Variants in NDUFAB1 observed in about 807,000 individuals in gnomAD.
The protein encoded by NDUFAB1 is acyl carrier protein, mitochondrial.
A neutral mutation model predicts 16.1 loss-of-function variants in NDUFAB1; 5 were observed. The observed-to-expected ratio is 0.31, with a 90% CI of 0.16 to 0.65. NDUFAB1 has a LOEUF of 0.65. NDUFAB1 is among the 30% of genes least tolerant of loss of function. The pLI, the probability that NDUFAB1 is intolerant of heterozygous loss-of-function variation, is 0.77. For synonymous variants in NDUFAB1, 85 were observed against 78.4 expected, an observed-to-expected ratio of 1.08 and a Z score of -0.44; for missense variants, 187 against 205.3, an observed-to-expected ratio of 0.91 and a Z score of 0.54.
chr16:23,582,277 T>G lies in NDUFAB1; in HGVS notation c.*7A>C. The G allele has an allele frequency of 1.3e-6, 2 of 1,512,856 alleles. No individual in the cohort carries two copies. The highest frequency in any genetic ancestry group is 1.8e-6 in the Non-Finnish European group (2 of 1,132,628). 93.7% of individuals were successfully genotyped at this position (1,512,856 alleles called of 1,614,324 possible). On this transcript the variant is annotated splice_region_variant and 3_prime_UTR_variant, in exon 4 of 5. Coordinates refer to ENST00000007516, the MANE Select transcript of NDUFAB1 (RefSeq NM_005003.3). ...ACATCATTTTTTAAGTCTATTTACCTGATACTTTATTCATATACATCCTTC... is the reference window on the plus strand; with the variant it reads ...ACATCATTTTTTAAGTCTATTTACCGGATACTTTATTCATATACATCCTTC...
intron 1 of NDUFAB1, 30 bp from the exon 2 acceptor site, chr16:23,587,349 C>T (rs767204570): frequency 6.2e-7 from 1 of 1,610,056 alleles, no homozygotes; most frequent in African/African-American, 1.3e-5. Flanking sequence ...GAAACACTGT[C>T]ATTGAATGGA....
At position 23,596,107 on chromosome 16, in the gene NDUFAB1, A is replaced by T. The variant is rs1332945026; in HGVS notation, c.168+16T>A. The T allele has an allele frequency of 1.2e-6, 2 of 1,601,048 alleles. No homozygotes were observed. The highest frequency in any genetic ancestry group is 1.7e-6 in the Non-Finnish European group (2 of 1,174,542). On this transcript the variant is annotated intron_variant, in intron 1 of 4. Transcript: ENST00000007516. The stretch of plus-strand genomic sequence containing the variant: ...CCTGACCCTTGCCAAGCGGCAGCAA[A>T]GTCACCACGAGTCACCTGCGCGAGC...
intron 3 of NDUFAB1, among the ~76,000 whole-genome samples, chr16:23,582,717 T>C (rs1966191199): frequency 6.6e-6 from 1 of 150,992 alleles, no homozygotes; most frequent in African/African-American, 2.4e-5. Context: ...CCTCTCCCTC[T>C]CCCCACGGTC....
intron 1 of NDUFAB1, chr16:23,595,290 G>T: frequency 3.4e-6 from 1 of 290,850 alleles, no homozygotes; most frequent in Non-Finnish European, 6.8e-6. Context: ...CAACAACACC[G>T]AAATCACTGC....
At chr16:23,587,378 G>A in intron 1 of NDUFAB1, 59 bp from the exon 2 acceptor site, 1 of 1,590,724 alleles carries the variant, frequency 6.3e-7, no homozygotes, top group Non-Finnish European at 8.5e-7. Context: ...CTAAATCAAT[G>A]CACAAGCCTA....
intron 2 of NDUFAB1, 91 bp downstream of exon 2, chr16:23,587,106 A>T: frequency 7.5e-7 from 1 of 1,341,844 alleles, no homozygotes; most frequent in South Asian, 1.4e-5. Flanking sequence ...AGCCAGGGAG[A>T]TTTTTACTGA....
At chr16:23,595,177 G>A (rs776246335) in intron 1 of NDUFAB1, among the ~76,000 whole-genome samples, 7 of 152,128 alleles carry the variant, frequency 4.6e-5, no homozygotes, top group Non-Finnish European at 1.0e-4. Context: ...GCTTGAACCT[G>A]AGAGGCGGAG....
chr16:23,592,963 G>A (rs148237839), intron 1 of NDUFAB1, among the ~76,000 whole-genome samples: 1 of 152,282 alleles, frequency 6.6e-6, no homozygotes, highest in East Asian at 1.9e-4. Flanking sequence ...AGTCCAGGGA[G>A]CATGTGTGGT....
rs1567407379 is a variant in NDUFAB1, at chr16:23,584,250, TCAATTAAAA to T, written c.379+1077_379+1085del. Reference sequence around the variant, plus strand: ...CTCTGCGAGAAACACCCAAGAATGATCAATTAAAAAAAAAAAAAAAAAAAGAAACCCAGT... The same window carrying T: ...CTCTGCGAGAAACACCCAAGAATGATAAAAAAAAAAAAAAAGAAACCCAGT... On this transcript the variant is annotated intron_variant, in intron 3 of 4. Transcript: ENST00000007516. Among the ~76,000 whole-genome samples, 67 of 6,472 alleles carry T rather than the reference TCAATTAAAA, an allele frequency of 0.01. 2 individuals are homozygous for T. In the East Asian group the frequency reaches 0.32, roughly 31 times the overall value. The allele number at this position is 6,472 out of a possible 152,430, so 4.2% of individuals were successfully genotyped here. A position where few individuals can be genotyped will look rare whatever the true frequency, so the allele number is the denominator to read the frequency against.
At chr16:23,588,005 C>T (rs1183584097) in intron 1 of NDUFAB1, among the ~76,000 whole-genome samples, 1 of 152,210 alleles carries the variant, frequency 6.6e-6, no homozygotes, top group Non-Finnish European at 1.5e-5. Flanking sequence ...TGGTATTAGT[C>T]GGCTCAATGT....
At chr16:23,587,466 T>A in intron 1 of NDUFAB1, 147 bp from the exon 2 acceptor site, 1 of 1,012,930 alleles carries the variant, frequency 9.9e-7, no homozygotes, top group Non-Finnish European at 1.4e-6. Flanking sequence ...CAGGACACAC[T>A]AAGTTGCAGG....
intron 3 of NDUFAB1, 65 bp from the exon 4 acceptor site, chr16:23,582,440 A>G: frequency 2.8e-6 from 4 of 1,446,426 alleles, no homozygotes; most frequent in Non-Finnish European, 3.6e-6. Context: ...AACTGAACAC[A>G]CCTGACCCTT....
chr16:23,596,075 C>T, intron 1 of NDUFAB1, 48 bp downstream of exon 1: 3 of 1,573,022 alleles, frequency 1.9e-6, no homozygotes, highest in South Asian at 2.3e-5. Context: ...CCCCACCGGG[C>T]CCAATCCCTG....
chr16:23,585,792 ATTT>A (rs1034915317), intron 2 of NDUFAB1, among the ~76,000 whole-genome samples: 1 of 152,014 alleles, frequency 6.6e-6, no homozygotes, highest in Non-Finnish European at 1.5e-5. Context: ...ACTACATCGA[ATTT>A]TTTTTAACAT....
chr16:23,585,457 T>C, intron 2 of NDUFAB1, 34 bp from the exon 3 acceptor site: 1 of 1,486,620 alleles, frequency 6.7e-7, no homozygotes, highest in African/African-American at 1.4e-5. Context: ...CAAAATTTAG[T>C]CCATGAAAGC....
At chr16:23,592,336 T>C (rs909568818) in intron 1 of NDUFAB1, among the ~76,000 whole-genome samples, 3 of 143,618 alleles carry the variant, frequency 2.1e-5, no homozygotes, top group Non-Finnish European at 4.5e-5. Flanking sequence ...AGAGACCTTG[T>C]CTGGAAAAAA....
intron 1 of NDUFAB1, among the ~76,000 whole-genome samples, chr16:23,589,308 A>C (rs1481741163): frequency 6.6e-6 from 1 of 152,100 alleles, no homozygotes; most frequent in African/African-American, 2.4e-5. Context: ...AGAAAAAAAA[A>C]AAAAAAATCA....
Position 23,583,268 on chromosome 16 carries a change from C to T in NDUFAB1, c.380-893G>A, listed in dbSNP as rs1426987578. ...CTGGGATGTGAGGAGCCCCTCTGCCCGGCTGCCCAGTCTGGGAAGTGAGGA... is the reference window on the plus strand; with the variant it reads ...CTGGGATGTGAGGAGCCCCTCTGCCTGGCTGCCCAGTCTGGGAAGTGAGGA... On this transcript the variant is annotated intron_variant, in intron 3 of 4. Coordinates refer to ENST00000007516, the MANE Select transcript of NDUFAB1 (RefSeq NM_005003.3). Among the ~76,000 whole-genome samples, 87 of 151,234 alleles carry T rather than the reference C, an allele frequency of 5.8e-4. 2 individuals carry two copies. Among genetic ancestry groups the T allele is most frequent in the Admixed American group, 6.6e-4 (10 of 15,114 alleles).
chr16:23,585,222 C>A, intron 3 of NDUFAB1, 114 bp downstream of exon 3: 1 of 755,142 alleles, frequency 1.3e-6, no homozygotes, highest in Non-Finnish European at 2.3e-6. Context: ...GCAGTGGATG[C>A]TACTGTTTCT....
Sources: allele counts gnomAD v4.1 joint callset (sites outside exome capture counted in the v4.1 genomes callset), GRCh38; gene constraint gnomAD v4.1.1; transcripts MANE v1.5; gene names NCBI Gene and HGNC (gene_info 2026-07-23, HGNC 2026-07-21).